The following SLC24A2 variants were observed in gnomAD, a reference collection of about 807,000 sequenced individuals.
The protein encoded by SLC24A2 is sodium/potassium/calcium exchanger 2.
SLC24A2 carries 36 observed loss-of-function variants against 62.0 expected under a neutral mutation model. The ratio of observed to expected loss-of-function variants is 0.58; its 90% CI spans 0.44 to 0.77. SLC24A2 has a LOEUF of 0.77. Ranked by LOEUF, SLC24A2 falls within the 30% of genes least tolerant of loss-of-function variation. SLC24A2 has a pLI of 0.00. For synonymous variants in SLC24A2, 358 were observed against 294.0 expected (o/e 1.22, Z -2.23); for missense variants, 846 against 817.9 (o/e 1.03, Z -0.42).
chr9:19,993,949 A>G, the SLC24A2 span, among the ~76,000 whole-genome samples: 1 of 152,330 alleles, frequency 6.6e-6, no homozygotes, highest in East Asian at 1.9e-4. Flanking sequence ...ATTGCTGAGC[A>G]TCCTTCCATC....
At chr9:19,886,410 C>T in the SLC24A2 span, among the ~76,000 whole-genome samples, 1 of 151,316 alleles carries the variant, frequency 6.6e-6, no homozygotes, top group Non-Finnish European at 1.5e-5. Flanking sequence ...GTCTGTTCCA[C>T]TTCTCAAAAG....
chr9:19,909,675 T>C, the SLC24A2 span, among the ~76,000 whole-genome samples: 21 of 152,058 alleles, frequency 1.4e-4, no homozygotes, highest in Non-Finnish European at 2.8e-4. Context: ...GTGATTAGAG[T>C]CACTCTTTTC....
At chr9:19,621,097 A>C (rs1237579106) in intron 3 of SLC24A2, among the ~76,000 whole-genome samples, 2 of 152,276 alleles carry the variant, frequency 1.3e-5, no homozygotes, top group Non-Finnish European at 2.9e-5. Flanking sequence ...TAACTTGGGC[A>C]GTGTTTCCAA....
chr9:19,954,031 GCA>G, the SLC24A2 span, among the ~76,000 whole-genome samples: 1 of 151,708 alleles, frequency 6.6e-6, no homozygotes, highest in African/African-American at 2.4e-5. Context: ...AGGTGCCTCA[GCA>G]CAGTTTGGGA....
chr9:19,795,924 G>A, the SLC24A2 span, among the ~76,000 whole-genome samples: 2 of 115,642 alleles, frequency 1.7e-5, no homozygotes, highest in African/African-American at 5.1e-5. Flanking sequence ...TATACACCAT[G>A]GAATAATATA....
At chr9:19,977,905 C>G in the SLC24A2 span, among the ~76,000 whole-genome samples, 3 of 152,144 alleles carry the variant, frequency 2.0e-5, no homozygotes, top group Admixed American at 2.0e-4. Context: ...CCAGAAAAGA[C>G]CATGTTCCTG....
chr9:20,123,042 G>A, the SLC24A2 span, among the ~76,000 whole-genome samples: 1 of 152,096 alleles, frequency 6.6e-6, no homozygotes, highest in Non-Finnish European at 1.5e-5. Flanking sequence ...ACTAGACTAG[G>A]TGGCTTATAA....
chr9:19,628,925 T>C (rs533577622), intron 2 of SLC24A2, among the ~76,000 whole-genome samples: 9 of 152,160 alleles, frequency 5.9e-5, no homozygotes, highest in African/African-American at 1.7e-4. Context: ...GAGGTGCGGG[T>C]TGGGCAAGCT....
intron 3 of SLC24A2, among the ~76,000 whole-genome samples, chr9:19,620,508 C>T (rs1215002138): frequency 1.3e-5 from 2 of 152,122 alleles, no homozygotes; most frequent in Non-Finnish European, 2.9e-5. Context: ...AGTTGTGATC[C>T]GTTGGCCAAA....
the SLC24A2 span, among the ~76,000 whole-genome samples, chr9:20,015,217 C>G: frequency 6.6e-6 from 1 of 152,150 alleles, no homozygotes; most frequent in African/African-American, 2.4e-5. Context: ...CTAACCTCAG[C>G]AGGTCAGAGC....
At chr9:19,637,744 G>A (rs971635718) in intron 2 of SLC24A2, among the ~76,000 whole-genome samples, 1 of 152,212 alleles carries the variant, frequency 6.6e-6, no homozygotes, top group African/African-American at 2.4e-5. Flanking sequence ...GGAGCAACCG[G>A]ATGGTGTAAA....
intron 7 of SLC24A2, among the ~76,000 whole-genome samples, chr9:19,555,990 AAC>A (rs1455813135): frequency 1.3e-5 from 2 of 152,200 alleles, no homozygotes; most frequent in Non-Finnish European, 1.5e-5. Flanking sequence ...TCTAAGTGAC[AAC>A]TGGTAACAAA....
chr9:19,874,080 T>TTTTCTTTTC, the SLC24A2 span, among the ~76,000 whole-genome samples: 15 of 110,754 alleles, frequency 1.4e-4, no homozygotes, highest in African/African-American at 7.6e-4. Context: ...CTTTTCTTTT[T>TTTTCTTTTC]TTTTTTTTTT....
chr9:20,185,203 G>A, the SLC24A2 span, among the ~76,000 whole-genome samples: 2 of 152,168 alleles, frequency 1.3e-5, no homozygotes, highest in Admixed American at 1.3e-4. Context: ...ACCGTGTATC[G>A]TATTCTTAAA....
At chr9:20,016,005 G>T in the SLC24A2 span, among the ~76,000 whole-genome samples, 1 of 152,140 alleles carries the variant, frequency 6.6e-6, no homozygotes, top group Admixed American at 6.5e-5. Context: ...GCATGAACAT[G>T]TTCACAAGTG....
chr9:20,065,828 T>C, the SLC24A2 span, among the ~76,000 whole-genome samples: 1 of 152,326 alleles, frequency 6.6e-6, no homozygotes, highest in Non-Finnish European at 1.5e-5. Flanking sequence ...TTTAAAAACA[T>C]GTTCAGCCTT....
At chr9:19,880,029 A>G in the SLC24A2 span, among the ~76,000 whole-genome samples, 8 of 152,182 alleles carry the variant, frequency 5.3e-5, no homozygotes, top group Non-Finnish European at 1.0e-4. Context: ...AAAATGACCT[A>G]TAAGAGGAGT....
intron 2 of SLC24A2, among the ~76,000 whole-genome samples, chr9:19,624,561 T>C (rs975649645): frequency 6.6e-6 from 1 of 152,172 alleles, no homozygotes; most frequent in Admixed American, 6.5e-5. Context: ...TGCCTGTACA[T>C]AGATTCTTCA....
At chr9:19,565,014 C>T (rs1055978566) in intron 7 of SLC24A2, among the ~76,000 whole-genome samples, 1 of 152,098 alleles carries the variant, frequency 6.6e-6, no homozygotes, top group African/African-American at 2.4e-5. Flanking sequence ...TGGCTAAATT[C>T]TCAACATCAC....
Sources: gnomAD v4.1 joint callset for allele counts (sites outside exome capture counted in the v4.1 genomes callset) on GRCh38, gnomAD v4.1.1 for gene constraint, MANE v1.5 for transcripts, NCBI Gene and HGNC (gene_info 2026-07-23, HGNC 2026-07-21) for gene names.